P2RY10: variants seen among roughly 807,000 people sequenced by gnomAD.
P2RY10 encodes the protein putative P2Y purinoceptor 10.
A neutral mutation model predicts 12.1 loss-of-function variants in P2RY10; 4 were observed. The ratio of observed to expected loss-of-function variants is 0.33; its 90% CI spans 0.16 to 0.76. The LOEUF (loss-of-function observed/expected upper bound fraction) is 0.76. Ranked by LOEUF, P2RY10 falls within the 30% of genes least tolerant of loss-of-function variation. The probability of loss-of-function intolerance (pLI) is 0.61; values close to 1 mark genes in which losing one functional copy is unlikely to be tolerated. For missense variants in P2RY10, 233 were observed against 264.6 expected (o/e 0.88, Z 0.83); for synonymous variants, 112 against 94.1 (o/e 1.19, Z -1.10).
At chrX:78,957,237 A>G (rs939496995) in intron 3 of P2RY10, among the ~76,000 whole-genome samples, 14 of 109,381 alleles carry the variant, frequency 1.3e-4, no homozygotes, top group Non-Finnish European at 2.1e-4. Context: ...CCACATCCCT[A>G]TGAGACAGGA....
At chrX:78,951,881 G>A (rs1208167754) in intron 2 of P2RY10, among the ~76,000 whole-genome samples, 5 of 111,412 alleles carry the variant, frequency 4.5e-5, no homozygotes, top group Non-Finnish European at 9.4e-5. Flanking sequence ...ATTAAGCCCA[G>A]CATCCATTAG....
chrX:78,957,414 A>G (rs1922390832), intron 3 of P2RY10, among the ~76,000 whole-genome samples: 1 of 107,380 alleles, frequency 9.3e-6, no homozygotes, highest in Admixed American at 1.0e-4. Flanking sequence ...AGAGAGAGAG[A>G]GAGAGGGATG....
rs975559075 is a variant in P2RY10, at chrX:78,962,969, T to C, written c.*1429T>C. On this transcript the variant is annotated 3_prime_UTR_variant, in exon 4 of 4. Transcript: ENST00000171757. ...CATTAGAAACAGAAAGTATTATCCA[T>C]CATAAATATGAGAAAAGTGTGTGTC... Among the ~76,000 whole-genome samples, 9 of 112,443 alleles carry C rather than the reference T, an allele frequency of 8.0e-5. No individual in the cohort carries two copies. Among genetic ancestry groups the C allele is most frequent in the African/African-American group, 2.9e-4 (9 of 30,982 alleles).
chrX:78,946,872 A>C (rs1229364098), intron 1 of P2RY10, among the ~76,000 whole-genome samples: 1 of 111,984 alleles, frequency 8.9e-6, no homozygotes, highest in Non-Finnish European at 1.9e-5. Flanking sequence ...ATGAATAAAC[A>C]CATTTATGGG....
rs758200743 is a variant in P2RY10 at position 78,961,728 on chromosome X, G to A, written c.*188G>A. 7 of 342,675 alleles carry A rather than the reference G, an allele frequency of 2.0e-5. No homozygotes were observed. Among genetic ancestry groups the A allele is most frequent in the Admixed American group, 1.7e-4 (3 of 18,123 alleles). 28.2% of individuals were successfully genotyped at this position (342,675 alleles called of 1,213,427 possible). A position where few individuals can be genotyped will look rare whatever the true frequency, so the allele number is the denominator to read the frequency against. On this transcript the variant is annotated 3_prime_UTR_variant, in exon 4 of 4. Coordinates refer to ENST00000171757, the MANE Select transcript of P2RY10 (RefSeq NM_014499.4). ...GAGTGTGAAAAACGTGAGAGAGGAA[G>A]AGAAAATAGATTTACCTGATTCCTC... is the stretch of plus-strand genomic sequence containing the variant.
At chrX:78,953,077 A>T (rs989470163) in intron 3 of P2RY10, among the ~76,000 whole-genome samples, 5 of 112,531 alleles carry the variant, frequency 4.4e-5, no homozygotes, top group Non-Finnish European at 9.4e-5. Context: ...TTTCAACAGG[A>T]TAATTGAGCC....
At chrX:78,952,633 G>A (rs763128294) in intron 3 of P2RY10, among the ~76,000 whole-genome samples, 2 of 111,736 alleles carry the variant, frequency 1.8e-5, no homozygotes, top group South Asian at 7.5e-4. Context: ...AGCTGAGAGT[G>A]TAGAAAACCA....
intron 1 of P2RY10, among the ~76,000 whole-genome samples, chrX:78,945,854 A>G (rs1295294267): frequency 8.9e-6 from 1 of 112,086 alleles, no homozygotes; most frequent in African/African-American, 3.2e-5. Flanking sequence ...TCGGCCAATA[A>G]AAGTCAATTT....
At chrX:78,955,622 T>C (rs1286386409) in intron 3 of P2RY10, among the ~76,000 whole-genome samples, 1 of 112,143 alleles carries the variant, frequency 8.9e-6, no homozygotes, top group African/African-American at 3.2e-5. Flanking sequence ...GCTCAATCTC[T>C]CCTGGATCTG....
In P2RY10 at chrX:78,960,863, C is replaced by G. The variant is rs756713806; in HGVS notation, c.343C>G (p.Leu115Val). 2.0e-5 allele frequency: 24 copies of G among 1,209,570 alleles called. No individual in the cohort carries two copies. Among genetic ancestry groups the G allele is most frequent in the Non-Finnish European group, 2.2e-5 (20 of 894,823 alleles). The change falls in exon 4 of 4, where the codon CTC (leucine) becomes GTC (valine). Residue 115 changes from leucine (L) to valine (V), a missense_variant. Coordinates refer to ENST00000171757, the MANE Select transcript of P2RY10 (RefSeq NM_014499.4). ...CCTGCTCTGCTTCTACCTGAAGTAT[C>G]TCAACATGTATGCCAGCATTTGTTT... ...LCLLCFYLKY[L>V]NMYASICFLT...
chrX:78,955,830 G>T (rs2147269211), intron 3 of P2RY10, among the ~76,000 whole-genome samples: 1 of 112,076 alleles, frequency 8.9e-6, no homozygotes, highest in African/African-American at 3.2e-5. Flanking sequence ...CGTTGTGGAT[G>T]ATTCTATATT....
intron 1 of P2RY10, among the ~76,000 whole-genome samples, chrX:78,947,163 T>C (rs2858577): frequency 0.022 from 2,349 of 109,241 alleles, 65 homozygotes; most frequent in African/African-American, 0.074. Context: ...TGCAGTGAGC[T>C]GAGACTGTGC....
intron 1 of P2RY10, among the ~76,000 whole-genome samples, chrX:78,945,960 T>C (rs1367782246): frequency 8.9e-6 from 1 of 111,954 alleles, no homozygotes; most frequent in Non-Finnish European, 1.9e-5. Context: ...TCAGAGATAC[T>C]GAGACAAATA....
chrX:78,955,017 G>GA (rs1350348314), intron 3 of P2RY10, among the ~76,000 whole-genome samples: 1 of 111,873 alleles, frequency 8.9e-6, no homozygotes, highest in Non-Finnish European at 1.9e-5. Context: ...GGGGTGGAGA[G>GA]AAAAATAAAG....
At chrX:78,947,357 T>C (rs1163962249) in intron 1 of P2RY10, among the ~76,000 whole-genome samples, 1 of 112,379 alleles carries the variant, frequency 8.9e-6, no homozygotes, top group Non-Finnish European at 1.9e-5. Flanking sequence ...CCCGGTGGTC[T>C]ATGATTTATT....
chrX:78,961,294 C>A lies in P2RY10; in HGVS notation c.774C>A (p.Pro258=). 8.3e-7 allele frequency: 1 copy of A among 1,209,019 alleles called. No homozygotes were observed. The highest frequency in any genetic ancestry group is 1.1e-6 in the Non-Finnish European group (1 of 893,222). The change falls in exon 4 of 4, where the codon CCC becomes CCA. Residue 258 remains proline (P), a synonymous_variant. Coordinates refer to ENST00000171757, the MANE Select transcript of P2RY10 (RefSeq NM_014499.4). ...CAGTCTTCTTCATCTGCTTCACTCC[C>A]TATCATATTAACTTTATTTTTTACA... ...CAAVFFICFT[P]YHINFIFYTM...
intron 3 of P2RY10, 35 bp from the exon 4 acceptor site, chrX:78,960,473 C>A: frequency 9.2e-7 from 1 of 1,087,224 alleles, no homozygotes; most frequent in Non-Finnish European, 1.2e-6. Context: ...AACTAATTAA[C>A]CATTTTACTC....
chrX:78,954,689 A>T (rs1194487787), intron 3 of P2RY10, among the ~76,000 whole-genome samples: 1 of 112,220 alleles, frequency 8.9e-6, no homozygotes, highest in East Asian at 2.8e-4. Flanking sequence ...ACAACCATGG[A>T]TTATTTTTCT....
In P2RY10 at chrX:78,961,735, T is replaced by C; in HGVS notation, c.*195T>C. 2.9e-6 allele frequency: 1 copy of C among 340,840 alleles called. No homozygotes were observed. Among genetic ancestry groups the C allele is most frequent in the South Asian group, 1.2e-4 (1 of 8,312 alleles). 28.1% of individuals were successfully genotyped at this position (340,840 alleles called of 1,213,427 possible). On this transcript the variant is annotated 3_prime_UTR_variant, in exon 4 of 4. Coordinates refer to ENST00000171757, the MANE Select transcript of P2RY10 (RefSeq NM_014499.4). ...AAAAACGTGAGAGAGGAAGAGAAAA[T>C]AGATTTACCTGATTCCTCTTTAAAA...
Sources: gnomAD v4.1 joint callset for allele counts (sites outside exome capture counted in the v4.1 genomes callset) on GRCh38, gnomAD v4.1.1 for gene constraint, MANE v1.5 for transcripts, NCBI Gene and HGNC (gene_info 2026-07-23, HGNC 2026-07-21) for gene names.